Variants in TRMT11 observed in about 807,000 individuals in gnomAD.
The protein encoded by TRMT11 is tRNA methyltransferase 11.
Under a neutral mutation model 62.8 loss-of-function variants are expected in TRMT11, and 53 were observed. The observed-to-expected ratio is 0.84, with a 90% CI of 0.68 to 1.06. The LOEUF (loss-of-function observed/expected upper bound fraction) is 1.06, where lower values mean the gene tolerates loss of function less well. Ranked by LOEUF, TRMT11 falls within the 50% of genes least tolerant of loss-of-function variation. The probability of loss-of-function intolerance (pLI) is 0.00; values close to 1 mark genes in which losing one functional copy is unlikely to be tolerated. For missense variants in TRMT11, 556 were observed against 553.4 expected (o/e 1.00, Z -0.05); for synonymous variants, 188 against 190.3 (o/e 0.99, Z 0.10).
At chr6:126,260,608 G>A in the TRMT11 span, among the ~76,000 whole-genome samples, 2 of 152,096 alleles carry the variant, frequency 1.3e-5, no homozygotes, top group Non-Finnish European at 2.9e-5. Flanking sequence ...TTCTTGTAGG[G>A]TTAGTCTAAT....
chr6:126,041,013 T>C (rs992450889), downstream of TRMT11, among the ~76,000 whole-genome samples: 10 of 152,142 alleles, frequency 6.6e-5, no homozygotes, highest in African/African-American at 2.4e-4. Context: ...ACTGATTTCC[T>C]TATGACTAAC....
At chr6:126,145,384 T>A (rs534136243) in intron 21 of TRMT11, among the ~76,000 whole-genome samples, 1 of 152,108 alleles carries the variant, frequency 6.6e-6, no homozygotes, top group Non-Finnish European at 1.5e-5. Flanking sequence ...AGGAGCCAAA[T>A]TGGAAAAGAA....
chr6:126,179,679 A>T (rs766261649), intron 1 of TRMT11, among the ~76,000 whole-genome samples: 3 of 152,216 alleles, frequency 2.0e-5, no homozygotes, highest in Non-Finnish European at 4.4e-5. Flanking sequence ...AAACTGAAAG[A>T]CTACATGTCA....
chr6:126,160,775 A>C (rs73773377), intron 21 of TRMT11, among the ~76,000 whole-genome samples: 1 of 152,130 alleles, frequency 6.6e-6, no homozygotes, highest in African/African-American at 2.4e-5. Context: ...ACTGAGAGCT[A>C]TAAAACGTGT....
At chr6:126,236,132 G>T in the TRMT11 span, among the ~76,000 whole-genome samples, 1 of 152,202 alleles carries the variant, frequency 6.6e-6, no homozygotes, top group African/African-American at 2.4e-5. Context: ...GTCAGTTTTA[G>T]AAAGTGTTTG....
intron 1 of TRMT11, among the ~76,000 whole-genome samples, chr6:126,196,671 C>G (rs971374383): frequency 2.7e-4 from 41 of 151,950 alleles, no homozygotes; most frequent in African/African-American, 8.9e-4. Context: ...AAAGGATTTT[C>G]AAGCGTAAAA....
intron 11 of TRMT11, 150 bp from the exon 12 acceptor site, chr6:126,021,010 A>C: frequency 4.9e-6 from 4 of 811,810 alleles, no homozygotes; most frequent in Non-Finnish European, 7.4e-6. Flanking sequence ...CTTTGCTTAT[A>C]GATAGTTTAT....
intron 21 of TRMT11, among the ~76,000 whole-genome samples, chr6:126,116,807 T>G (rs1036805495): frequency 6.6e-6 from 1 of 152,080 alleles, no homozygotes; most frequent in Non-Finnish European, 1.5e-5. Flanking sequence ...CATTAACCAA[T>G]GAGCTGTAAT....
chr6:126,005,678 G>A (rs1793240340), intron 7 of TRMT11, among the ~76,000 whole-genome samples: 1 of 152,002 alleles, frequency 6.6e-6, no homozygotes, highest in East Asian at 1.9e-4. Flanking sequence ...TAATTTCCAA[G>A]ATATTAGTAA....
At chr6:126,096,598 C>A (rs1200725765) in intron 17 of TRMT11, among the ~76,000 whole-genome samples, 1 of 151,940 alleles carries the variant, frequency 6.6e-6, no homozygotes, top group East Asian at 1.9e-4. Context: ...AGCATGCTCA[C>A]CATGGGCATT....
chr6:126,034,461 A>G (rs1247307379), intron 12 of TRMT11, among the ~76,000 whole-genome samples: 4 of 152,152 alleles, frequency 2.6e-5, no homozygotes, highest in African/African-American at 9.6e-5. Context: ...TTATGTAGCC[A>G]TTTATGGCTA....
intron 16 of TRMT11, among the ~76,000 whole-genome samples, chr6:126,047,997 T>C (rs558788101): frequency 8.5e-5 from 13 of 152,352 alleles, no homozygotes; most frequent in African/African-American, 3.1e-4. Context: ...GCAACAGACC[T>C]ACCCTCAATG....
At chr6:126,236,409 G>C in the TRMT11 span, among the ~76,000 whole-genome samples, 1 of 152,064 alleles carries the variant, frequency 6.6e-6, no homozygotes. Context: ...TATGAAGTAA[G>C]AAATCATCTT....
intron 17 of TRMT11, among the ~76,000 whole-genome samples, chr6:126,063,135 C>T (rs1256673831): frequency 6.6e-6 from 1 of 152,080 alleles, no homozygotes; most frequent in African/African-American, 2.4e-5. Context: ...ATATAGTTAT[C>T]TCTGAGTAGT....
rs535603896 is a variant in TRMT11, at chr6:125,995,949, T to C, written c.139-18T>C. 2.0e-6 allele frequency: 3 copies of C among 1,526,248 alleles called. No individual in the cohort carries two copies. The East Asian group carries it at 6.8e-5, about 34-fold the overall frequency. The allele number at this position is 1,526,248 out of a possible 1,614,324, so 94.5% of individuals were successfully genotyped here. On this transcript the variant is annotated intron_variant, in intron 2 of 12. Coordinates refer to ENST00000334379, the MANE Select transcript of TRMT11 (RefSeq NM_001031712.3). ...TGTAGCCACTTAGAATTAAGTTGCATATTGTTATTTCTTTTAGTCACCATT... is the reference window on the plus strand; with the variant it reads ...TGTAGCCACTTAGAATTAAGTTGCACATTGTTATTTCTTTTAGTCACCATT...
chr6:126,246,666 C>T, the TRMT11 span, among the ~76,000 whole-genome samples: 1 of 152,074 alleles, frequency 6.6e-6, no homozygotes, highest in Non-Finnish European at 1.5e-5. Flanking sequence ...ACTAATAGGA[C>T]AAATAAATAT....
intron 17 of TRMT11, among the ~76,000 whole-genome samples, chr6:126,091,519 G>T (rs1777276480): frequency 6.6e-6 from 1 of 152,088 alleles, no homozygotes; most frequent in Non-Finnish European, 1.5e-5. Flanking sequence ...ACCTGTTCTG[G>T]TTGTGTTGGG....
At chr6:125,998,168 C>G in intron 4 of TRMT11, 34 bp downstream of exon 4, 1 of 1,591,912 alleles carries the variant, frequency 6.3e-7, no homozygotes, top group East Asian at 2.2e-5. Context: ...TATAGGCATG[C>G]GTGCAGATTC....
At chr6:126,111,466 A>C (rs1777530788) in intron 17 of TRMT11, among the ~76,000 whole-genome samples, 1 of 152,126 alleles carries the variant, frequency 6.6e-6, no homozygotes, top group Non-Finnish European at 1.5e-5. Context: ...TAACAAAAGT[A>C]AACAGCATGT....
Sources: gnomAD v4.1 joint callset for allele counts (sites outside exome capture counted in the v4.1 genomes callset) on GRCh38, gnomAD v4.1.1 for gene constraint, MANE v1.5 for transcripts, NCBI Gene and HGNC (gene_info 2026-07-23, HGNC 2026-07-21) for gene names.